The following DSCAM variants were observed in gnomAD, a reference collection of about 807,000 sequenced individuals.
DSCAM encodes cell adhesion molecule DSCAM.
A neutral mutation model predicts 217.7 loss-of-function variants in DSCAM; 47 were observed. The ratio of observed to expected loss-of-function variants is 0.22; its 90% CI spans 0.17 to 0.28. The LOEUF (loss-of-function observed/expected upper bound fraction) is 0.28. DSCAM is among the 10% of genes least tolerant of loss of function. The pLI, the probability that DSCAM is intolerant of heterozygous loss-of-function variation, is 1.00. For synonymous variants in DSCAM, 1,056 were observed against 1,015.3 expected (o/e 1.04, Z -0.76); for missense variants, 2,080 against 2,618.3 (o/e 0.79, Z 4.49).
chr21:40,572,436 A>G (rs2076815594), intron 3 of DSCAM, among the ~76,000 whole-genome samples: 1 of 152,198 alleles, frequency 6.6e-6, no homozygotes, highest in African/African-American at 2.4e-5. Context: ...TTGTATTGAT[A>G]ATTACATTAA....
At chr21:40,449,103 C>T (rs921098002) in intron 3 of DSCAM, among the ~76,000 whole-genome samples, 1 of 152,106 alleles carries the variant, frequency 6.6e-6, no homozygotes, top group Non-Finnish European at 1.5e-5. Context: ...AGACTCTCTC[C>T]GGCCATCTTC....
intron 5 of DSCAM, among the ~76,000 whole-genome samples, chr21:40,349,720 A>T (rs2074608108): frequency 6.6e-6 from 1 of 152,224 alleles, no homozygotes; most frequent in Non-Finnish European, 1.5e-5. Flanking sequence ...AAATCAAAAC[A>T]AAACAAAACA....
At chr21:40,255,993 C>T (rs1010900557) in intron 11 of DSCAM, among the ~76,000 whole-genome samples, 1 of 152,198 alleles carries the variant, frequency 6.6e-6, no homozygotes, top group Non-Finnish European at 1.5e-5. Flanking sequence ...GCCCAACCTG[C>T]AAAACTCTGG....
At chr21:40,390,063 G>C (rs1011544100) in intron 3 of DSCAM, among the ~76,000 whole-genome samples, 7 of 152,138 alleles carry the variant, frequency 4.6e-5, no homozygotes, top group Admixed American at 3.3e-4. Flanking sequence ...TCTCCTGGAG[G>C]GGGAGCTGCA....
chr21:40,062,942 T>C (rs2089146201), intron 27 of DSCAM, 43 bp from the exon 28 acceptor site: 2 of 1,545,490 alleles, frequency 1.3e-6, no homozygotes, highest in Admixed American at 2.1e-5. Flanking sequence ...AAATAACTCA[T>C]TAACATTCAC....
At chr21:40,770,940 T>G (rs2123386556) in intron 1 of DSCAM, among the ~76,000 whole-genome samples, 1 of 152,178 alleles carries the variant, frequency 6.6e-6, no homozygotes, top group Non-Finnish European at 1.5e-5. Context: ...AGGTGAGAAG[T>G]TGGCAGTCTT....
At chr21:40,509,645 AG>A (rs1352524067) in intron 3 of DSCAM, among the ~76,000 whole-genome samples, 1 of 152,182 alleles carries the variant, frequency 6.6e-6, no homozygotes. Flanking sequence ...TTTCACACAC[AG>A]TGACCACTAG....
chr21:40,463,785 CCTT>C (rs1445045301), intron 3 of DSCAM, among the ~76,000 whole-genome samples: 7 of 152,200 alleles, frequency 4.6e-5, no homozygotes, highest in Admixed American at 4.6e-4. Flanking sequence ...TCTTTGGCAT[CCTT>C]CTTGTTCCCT....
At chr21:40,111,025 G>T (rs1346757665) in intron 20 of DSCAM, among the ~76,000 whole-genome samples, 1 of 152,156 alleles carries the variant, frequency 6.6e-6, no homozygotes, top group Non-Finnish European at 1.5e-5. Flanking sequence ...CCCCAATCTA[G>T]CAAGGCAGGC....
Position 40,124,202 on chromosome 21 carries a change from T to A in DSCAM, c.3689A>T (p.Tyr1230Phe). 6.2e-7 allele frequency: 1 copy of A among 1,613,760 alleles called. No individual in the cohort carries two copies. The highest frequency in any genetic ancestry group is 8.5e-7 in the Non-Finnish European group (1 of 1,179,912). ...GGTTATTTACCAACTTACTGTGGGA[T>A]AGGGGTGGGAGCAGAATACAGTGTA... ...RKYTVFCSHP[Y>F]PTVISEFEAS... Residue 1230 changes from tyrosine (Y) to phenylalanine (F), a missense_variant, in exon 20 of 33, where the codon TAT (tyrosine) becomes TTT (phenylalanine). Tyr to Phe is a conservative substitution (Grantham distance 22, BLOSUM62 3). Coordinates refer to ENST00000400454, the MANE Select transcript of DSCAM (RefSeq NM_001389.5).
At chr21:40,731,428 G>A (rs1203164140) in intron 1 of DSCAM, among the ~76,000 whole-genome samples, 2 of 152,122 alleles carry the variant, frequency 1.3e-5, no homozygotes, top group East Asian at 1.9e-4. Flanking sequence ...CTCATGGGGC[G>A]GTGAGTATAC....
chr21:40,690,869 G>C (rs183633385), intron 3 of DSCAM, among the ~76,000 whole-genome samples: 12 of 152,150 alleles, frequency 7.9e-5, no homozygotes, highest in Admixed American at 1.3e-4. Flanking sequence ...CTTGTAAGTG[G>C]GAGCTGAATG....
chr21:40,777,052 A>G (rs2091494270), intron 1 of DSCAM, among the ~76,000 whole-genome samples: 1 of 152,148 alleles, frequency 6.6e-6, no homozygotes, highest in Non-Finnish European at 1.5e-5. Context: ...TGACTTATAA[A>G]CAACATGTAT....
intron 9 of DSCAM, 48 bp downstream of exon 9, chr21:40,312,033 G>T: frequency 7.6e-7 from 1 of 1,319,400 alleles, no homozygotes; most frequent in Non-Finnish European, 1.0e-6. Context: ...TTAAACCATT[G>T]TTAAATCAAC....
intron 3 of DSCAM, among the ~76,000 whole-genome samples, chr21:40,549,477 G>GTCC (rs1008496306): frequency 1.7e-4 from 26 of 152,242 alleles, no homozygotes; most frequent in African/African-American, 6.3e-4. Flanking sequence ...GTAAGCAGTG[G>GTCC]TCCTTACACT....
At chr21:40,529,976 T>A (rs949416081) in intron 3 of DSCAM, among the ~76,000 whole-genome samples, 13 of 152,168 alleles carry the variant, frequency 8.5e-5, no homozygotes, top group African/African-American at 3.1e-4. Context: ...AATTTCTATG[T>A]CACAGATATA....
At chr21:40,679,020 T>C (rs78199242) in intron 3 of DSCAM, among the ~76,000 whole-genome samples, 3,818 of 152,280 alleles carry the variant, frequency 0.025, 137 homozygotes, top group African/African-American at 0.079. Context: ...TACTGGGAAT[T>C]TGAAATGTCG....
chr21:40,322,098 G>C (rs1328567530), intron 8 of DSCAM, among the ~76,000 whole-genome samples: 1 of 152,132 alleles, frequency 6.6e-6, no homozygotes, highest in Non-Finnish European at 1.5e-5. Context: ...ATATTTCTCT[G>C]ATGGTATTGT....
intron 11 of DSCAM, among the ~76,000 whole-genome samples, chr21:40,268,515 A>T (rs1216868988): frequency 6.6e-6 from 1 of 152,114 alleles, no homozygotes; most frequent in African/African-American, 2.4e-5. Context: ...ACTGAAAAAC[A>T]TTGAAATAGG....
Sources: gnomAD v4.1 joint callset for allele counts (sites outside exome capture counted in the v4.1 genomes callset) on GRCh38, gnomAD v4.1.1 for gene constraint, MANE v1.5 for transcripts, NCBI Gene and HGNC (gene_info 2026-07-23, HGNC 2026-07-21) for gene names.